The following PLCB1 variants were observed in gnomAD, a reference collection of about 807,000 sequenced individuals.
The protein encoded by PLCB1 is phospholipase C beta 1.
Under a neutral mutation model 161.8 loss-of-function variants are expected in PLCB1, and 46 were observed. The ratio of observed to expected loss-of-function variants is 0.28; its 90% CI spans 0.22 to 0.36. The LOEUF (loss-of-function observed/expected upper bound fraction) is 0.36. Among genes scored for constraint, PLCB1 ranks in the 10% least tolerant of loss-of-function variants. The pLI, the probability that PLCB1 is intolerant of heterozygous loss-of-function variation, is 1.00. For synonymous variants in PLCB1, 517 were observed against 503.7 expected (o/e 1.03, Z -0.35); for missense variants, 1,016 against 1,472.5 (o/e 0.69, Z 5.07).
intron 3 of PLCB1, among the ~76,000 whole-genome samples, chr20:8,467,234 C>T (rs906012423): frequency 6.6e-6 from 1 of 152,192 alleles, no homozygotes; most frequent in African/African-American, 2.4e-5. Flanking sequence ...AGCCACCATG[C>T]CTGTCCATAT....
chr20:8,796,964 C>A (rs892808266), intron 31 of PLCB1, among the ~76,000 whole-genome samples: 5 of 152,142 alleles, frequency 3.3e-5, no homozygotes, highest in African/African-American at 1.2e-4. Context: ...TCCTTTCATG[C>A]GGTCTACTGG....
chr20:8,621,531 C>T lies in PLCB1; in HGVS notation c.247-6763C>T, dbSNP rs79989236. Among the ~76,000 whole-genome samples, 21 of 152,316 alleles carry T rather than the reference C, an allele frequency of 1.4e-4. 2 individuals are homozygous for T. The East Asian group carries it at 4.0e-3, about 29-fold the overall frequency. On this transcript the variant is annotated intron_variant, in intron 3 of 31. Transcript: ENST00000338037. ...ATTAAAATTGACCATTTAGCTTCGACTCTTTGCTAGGAAGGCAAGCACTTC... is the reference window on the plus strand; with the variant it reads ...ATTAAAATTGACCATTTAGCTTCGATTCTTTGCTAGGAAGGCAAGCACTTC...
At chr20:8,748,686 T>C (rs6039250) in intron 23 of PLCB1, among the ~76,000 whole-genome samples, 127,715 of 152,086 alleles carry the variant, frequency 0.84, 54,222 homozygotes, top group Non-Finnish European at 0.9. Context: ...TGGGGAGGTG[T>C]GGGTCAAATG....
intron 2 of PLCB1, among the ~76,000 whole-genome samples, chr20:8,274,477 TG>T (rs1179338191): frequency 6.6e-6 from 1 of 151,972 alleles, no homozygotes; most frequent in Non-Finnish European, 1.5e-5. Flanking sequence ...TTGTTACTTG[TG>T]TCGTTTTTTT....
At chr20:8,333,708 G>A (rs532101519) in intron 2 of PLCB1, among the ~76,000 whole-genome samples, 1 of 152,290 alleles carries the variant, frequency 6.6e-6, no homozygotes, top group African/African-American at 2.4e-5. Context: ...TGTCTTAGGA[G>A]CATGTTTGCA....
At chr20:8,717,299 A>G (rs1979372667) in intron 13 of PLCB1, among the ~76,000 whole-genome samples, 1 of 152,212 alleles carries the variant, frequency 6.6e-6, no homozygotes, top group African/African-American at 2.4e-5. Flanking sequence ...TCCTCCTGGC[A>G]GATGCCTGGC....
chr20:8,302,475 G>T (rs1389668028), intron 2 of PLCB1, among the ~76,000 whole-genome samples: 7 of 152,128 alleles, frequency 4.6e-5, no homozygotes, highest in African/African-American at 1.7e-4. Context: ...AGGCTCGATT[G>T]CGTCAAAATT....
intron 3 of PLCB1, among the ~76,000 whole-genome samples, chr20:8,453,342 T>C (rs1438040460): frequency 1.3e-5 from 2 of 152,204 alleles, no homozygotes; most frequent in Non-Finnish European, 2.9e-5. Context: ...TGTATTCACT[T>C]TGGAGGTAAA....
At chr20:8,207,690 C>T (rs2205790) in intron 2 of PLCB1, among the ~76,000 whole-genome samples, 57,563 of 151,990 alleles carry the variant, frequency 0.38, 12,720 homozygotes, top group East Asian at 0.59. Context: ...AAGGAATTCT[C>T]CCACCTCAGA....
chr20:8,368,458 T>C (rs545052253), intron 2 of PLCB1, among the ~76,000 whole-genome samples: 6 of 134,614 alleles, frequency 4.5e-5, no homozygotes, highest in Non-Finnish European at 7.6e-5. Flanking sequence ...ACCCGGGAGG[T>C]AGAAGTTGCA....
intron 31 of PLCB1, among the ~76,000 whole-genome samples, chr20:8,813,060 A>C (rs553725442): frequency 6.6e-6 from 1 of 152,308 alleles, no homozygotes; most frequent in Admixed American, 6.5e-5. Context: ...GGAGGTTTCT[A>C]ACCTGATTTC....
chr20:8,163,172 C>T (rs1362608737), intron 2 of PLCB1, among the ~76,000 whole-genome samples: 1 of 152,114 alleles, frequency 6.6e-6, no homozygotes, highest in Non-Finnish European at 1.5e-5. Flanking sequence ...GGAAGACAGC[C>T]ATTAAAGGGT....
At chr20:8,734,135 C>CAAAAAAAAAAA (rs10624037) in intron 19 of PLCB1, among the ~76,000 whole-genome samples, 4 of 57,928 alleles carry the variant, frequency 6.9e-5, no homozygotes, top group African/African-American at 7.1e-5. Context: ...GACTCTGTCT[C>CAAAAAAAAAAA]AAAAAAAAAA....
intron 2 of PLCB1, among the ~76,000 whole-genome samples, chr20:8,176,732 G>A (rs1364561522): frequency 6.6e-6 from 1 of 152,084 alleles, no homozygotes; most frequent in Non-Finnish European, 1.5e-5. Flanking sequence ...AGTTTTGCAA[G>A]ATATTACCAT....
chr20:8,803,073 G>A (rs1029679112), intron 31 of PLCB1, among the ~76,000 whole-genome samples: 1 of 152,140 alleles, frequency 6.6e-6, no homozygotes, highest in African/African-American at 2.4e-5. Context: ...ACATGTCAAA[G>A]AATTACTGAA....
intron 3 of PLCB1, among the ~76,000 whole-genome samples, chr20:8,543,400 G>T (rs1600141693): frequency 6.6e-6 from 1 of 152,078 alleles, no homozygotes; most frequent in Non-Finnish European, 1.5e-5. Flanking sequence ...ATTCTATGTA[G>T]CACAGCCTTA....
chr20:8,756,973 G>C (rs564364798), intron 23 of PLCB1, 73 bp from the exon 24 acceptor site: 23 of 1,361,022 alleles, frequency 1.7e-5, no homozygotes, highest in Middle Eastern at 3.9e-4. Context: ...ATAAAATGTA[G>C]CCTTGTTGGT....
intron 3 of PLCB1, among the ~76,000 whole-genome samples, chr20:8,577,129 T>C (rs1986694358): frequency 6.6e-6 from 1 of 152,126 alleles, no homozygotes; most frequent in Non-Finnish European, 1.5e-5. Context: ...AAAAGATAAA[T>C]ACTTTTTAAG....
chr20:8,600,476 T>C (rs1987524580), intron 3 of PLCB1, among the ~76,000 whole-genome samples: 1 of 150,218 alleles, frequency 6.7e-6, no homozygotes, highest in African/African-American at 2.5e-5. Flanking sequence ...TCCAGCTGCG[T>C]GCTGGGAGAA....
Sources: gnomAD v4.1 joint callset for allele counts (sites outside exome capture counted in the v4.1 genomes callset) on GRCh38, gnomAD v4.1.1 for gene constraint, MANE v1.5 for transcripts, NCBI Gene and HGNC (gene_info 2026-07-23, HGNC 2026-07-21) for gene names.